The following KLRG1 variants were observed in gnomAD, a reference collection of about 807,000 sequenced individuals.
The protein encoded by KLRG1 is killer cell lectin-like receptor subfamily G member 1.
In KLRG1, 16 loss-of-function variants were observed where a neutral mutation model predicts 21.8. The ratio of observed to expected loss-of-function variants is 0.73; its 90% CI spans 0.50 to 1.11. The LOEUF (loss-of-function observed/expected upper bound fraction) is 1.11, where lower values mean the gene tolerates loss of function less well. Ranked by LOEUF, KLRG1 falls within the 50% of genes most tolerant of loss-of-function variation. The pLI is 0.00. For missense variants in KLRG1, 173 were observed against 218.3 expected (o/e 0.79, Z 1.31); for synonymous variants, 69 against 75.9 (o/e 0.91, Z 0.47).
the KLRG1 span, chr12:9,192,451 C>G: frequency 6.8e-7 from 1 of 1,473,956 alleles, no homozygotes; most frequent in Non-Finnish European, 9.5e-7. Flanking sequence ...CATTCCTGAG[C>G]CTATTGACCA....
At chr12:9,127,243 G>A in the KLRG1 span, among the ~76,000 whole-genome samples, 1 of 152,146 alleles carries the variant, frequency 6.6e-6, no homozygotes. Flanking sequence ...ACGGCCTTTG[G>A]TAGGACACCC....
rs866619931 is a variant in KLRG1 at position 8,979,642 on chromosome 12, A to T, written c.-155-12564A>T. On this transcript the variant is annotated intron_variant, in intron 1 of 4. Coordinates refer to the KLRG1 transcript ENST00000539240. ...GATAGTTTTCAATTATTACTTTGTT[A>T]CATATGTTTTCTGCTTCTTTCTCTA... Among the ~76,000 whole-genome samples, 76 of 152,204 alleles carry T rather than the reference A, an allele frequency of 5.0e-4. 1 individual carries two copies. The highest frequency in any genetic ancestry group is 1.7e-3 in the African/African-American group (72 of 41,540).
the KLRG1 span, among the ~76,000 whole-genome samples, chr12:9,053,009 C>T: frequency 2.6e-5 from 4 of 152,304 alleles, no homozygotes; most frequent in Admixed American, 2.0e-4. Context: ...TGTTCAACCT[C>T]GTTTTGTTAT....
the KLRG1 span, among the ~76,000 whole-genome samples, chr12:9,084,740 T>A: frequency 6.6e-6 from 1 of 152,046 alleles, no homozygotes; most frequent in East Asian, 1.9e-4. Flanking sequence ...AGTGACTGAA[T>A]GGATTTAAAA....
chr12:8,958,236 G>A (rs11048241), intron 1 of KLRG1, among the ~76,000 whole-genome samples: 50,929 of 151,988 alleles, frequency 0.34, 8,886 homozygotes, highest in Admixed American at 0.4. Context: ...TATAGTTGAG[G>A]TAGCACTGAG....
the KLRG1 span, among the ~76,000 whole-genome samples, chr12:9,180,776 C>T: frequency 5.3e-5 from 8 of 152,208 alleles, no homozygotes; most frequent in East Asian, 9.6e-4. Context: ...AAAGCAATGG[C>T]AACAAAAGAC....
the KLRG1 span, among the ~76,000 whole-genome samples, chr12:9,050,169 A>C: frequency 6.6e-6 from 1 of 152,224 alleles, no homozygotes; most frequent in Non-Finnish European, 1.5e-5. Context: ...ATTGGTGCAA[A>C]GCATTTTGGC....
the KLRG1 span, among the ~76,000 whole-genome samples, chr12:9,050,156 C>T: frequency 6.6e-6 from 1 of 152,148 alleles, no homozygotes; most frequent in Non-Finnish European, 1.5e-5. Context: ...TAAAACGTGT[C>T]ACATTGGTGC....
At chr12:8,960,464 C>T (rs1261714815) in intron 1 of KLRG1, among the ~76,000 whole-genome samples, 1 of 152,154 alleles carries the variant, frequency 6.6e-6, no homozygotes, top group African/African-American at 2.4e-5. Flanking sequence ...TTTCACCTGC[C>T]AGAGTGGAAA....
chr12:9,111,385 T>TGGTC, the KLRG1 span: 1 of 363,602 alleles, frequency 2.8e-6, no homozygotes, highest in Admixed American at 3.3e-5. Context: ...ATGGGTGTGG[T>TGGTC]GCCTCATTTT....
the KLRG1 span, among the ~76,000 whole-genome samples, chr12:9,142,489 G>T: frequency 2.0e-5 from 3 of 152,132 alleles, no homozygotes; most frequent in Non-Finnish European, 4.4e-5. Context: ...ATTTTACTGT[G>T]CCAGTAAGTT....
the KLRG1 span, among the ~76,000 whole-genome samples, chr12:9,051,810 T>C: frequency 1.3e-5 from 2 of 152,236 alleles, no homozygotes; most frequent in Admixed American, 1.3e-4. Flanking sequence ...TGTCTAACTC[T>C]TTTAGCATAG....
the KLRG1 span, among the ~76,000 whole-genome samples, chr12:9,193,037 G>A: frequency 6.6e-6 from 1 of 152,152 alleles, no homozygotes; most frequent in Admixed American, 6.5e-5. Flanking sequence ...ACTCAAACAA[G>A]TGGAAAAGGG....
At chr12:9,182,616 G>A in the KLRG1 span, among the ~76,000 whole-genome samples, 1 of 152,142 alleles carries the variant, frequency 6.6e-6, no homozygotes, top group Non-Finnish European at 1.5e-5. Context: ...TCATTGCAGT[G>A]TTAAACTCTT....
chr12:9,110,960 A>T, the KLRG1 span, among the ~76,000 whole-genome samples: 1 of 152,184 alleles, frequency 6.6e-6, no homozygotes, highest in Non-Finnish European at 1.5e-5. Flanking sequence ...ATCCTTTGCT[A>T]TGCAATTTTA....
chr12:8,982,482 G>A (rs745835687), intron 1 of KLRG1, among the ~76,000 whole-genome samples: 18 of 152,248 alleles, frequency 1.2e-4, no homozygotes, highest in African/African-American at 4.1e-4. Flanking sequence ...CACTAAGTTT[G>A]TGTTAGGTTA....
Position 9,009,706 on chromosome 12 carries a change from G to A in KLRG1, c.*169G>A. ...TCCTAGGGATTGATGCCTAACTGAT[G>A]GATTCTCTTTGAGACTATTTAGATA... On this transcript the variant is annotated 3_prime_UTR_variant, in exon 5 of 5. Transcript: ENST00000356986. The A allele has an allele frequency of 7.0e-7, 1 of 1,424,934 alleles. No homozygotes were observed. The allele number at this position is 1,424,934 out of a possible 1,614,324, so 88.3% of individuals were successfully genotyped here.
At chr12:9,162,694 T>G in the KLRG1 span, 39 of 1,435,562 alleles carry the variant, frequency 2.7e-5, no homozygotes, top group African/African-American at 4.3e-5. Flanking sequence ...AACATCCTGG[T>G]GACAAGAGAA....
At chr12:9,192,599 G>A in the KLRG1 span, 7 of 1,614,170 alleles carry the variant, frequency 4.3e-6, no homozygotes, top group Non-Finnish European at 5.9e-6. Flanking sequence ...TGTGGCCACA[G>A]GGCAGGGTAC....
Sources: allele counts gnomAD v4.1 joint callset (sites outside exome capture counted in the v4.1 genomes callset), GRCh38; gene constraint gnomAD v4.1.1; transcripts MANE v1.5; gene names NCBI Gene and HGNC (gene_info 2026-07-23, HGNC 2026-07-21).